The following COL28A1 variants were observed in gnomAD, a reference collection of about 807,000 sequenced individuals.
The protein encoded by COL28A1 is collagen type XXVIII alpha 1 chain, also known as collagen alpha-1(XXVIII) chain.
Under a neutral mutation model 150.2 loss-of-function variants are expected in COL28A1, and 161 were observed. The ratio of observed to expected loss-of-function variants is 1.07; its 90% CI spans 0.94 to 1.22. The LOEUF is 1.22. COL28A1 is among the 50% of genes most tolerant of loss of function. The pLI is 0.00. For synonymous variants in COL28A1, 552 were observed against 469.7 expected (o/e 1.18, Z -2.26); for missense variants, 1,617 against 1,388.3 (o/e 1.16, Z -2.62).
At chr7:7,412,913 C>A (rs748208716) in intron 27 of COL28A1, among the ~76,000 whole-genome samples, 3 of 152,056 alleles carry the variant, frequency 2.0e-5, no homozygotes, top group Non-Finnish European at 2.9e-5. Context: ...TAGAAAAAAT[C>A]GAAACCCAGA....
intron 26 of COL28A1, 50 bp downstream of exon 26, chr7:7,419,835 G>T: frequency 8.2e-7 from 1 of 1,223,034 alleles, no homozygotes; most frequent in Non-Finnish European, 1.1e-6. Context: ...TCACTTGTTT[G>T]TCACTGATGA....
At chr7:7,398,052 A>G (rs1424783777) in intron 27 of COL28A1, among the ~76,000 whole-genome samples, 1 of 152,224 alleles carries the variant, frequency 6.6e-6, no homozygotes, top group Non-Finnish European at 1.5e-5. Context: ...CCTGCTTATA[A>G]TAAATAGCTG....
chr7:7,541,309 G>A, the COL28A1 span, among the ~76,000 whole-genome samples: 1 of 151,980 alleles, frequency 6.6e-6, no homozygotes, highest in South Asian at 2.1e-4. Flanking sequence ...GGGACTTGAG[G>A]TGAATTTTTT....
At chr7:7,471,140 A>AAAAAAAAAAAAAAAAACAAAAAAAC (rs1788390573) in intron 15 of COL28A1, among the ~76,000 whole-genome samples, 1 of 148,144 alleles carries the variant, frequency 6.8e-6, no homozygotes, top group Non-Finnish European at 1.5e-5. Flanking sequence ...AAAAAAAAAA[A>AAAAAAAAAAAAAAAAACAAAAAAAC]AAAAGAAAAG....
intron 15 of COL28A1, among the ~76,000 whole-genome samples, chr7:7,458,004 T>C (rs754339139): frequency 2.5e-4 from 38 of 152,320 alleles, no homozygotes; most frequent in Non-Finnish European, 4.0e-4. Flanking sequence ...AAAGTAGCCA[T>C]AGATAATATA....
At chr7:7,395,051 GGAGGTT>G (rs1448473686) in intron 27 of COL28A1, among the ~76,000 whole-genome samples, 1 of 152,166 alleles carries the variant, frequency 6.6e-6, no homozygotes, top group Non-Finnish European at 1.5e-5. Flanking sequence ...CAGCACTTTG[GGAGGTT>G]GAGGTGGGAG....
intron 12 of COL28A1, among the ~76,000 whole-genome samples, 158 bp from the exon 13 acceptor site, chr7:7,489,615 G>A (rs896349515): frequency 1.3e-5 from 2 of 152,194 alleles, no homozygotes; most frequent in Admixed American, 6.5e-5. Context: ...GAAATAGCTC[G>A]AATTTAAGTG....
At chr7:7,405,294 T>C (rs1190392151) in intron 27 of COL28A1, among the ~76,000 whole-genome samples, 3 of 152,174 alleles carry the variant, frequency 2.0e-5, no homozygotes, top group Non-Finnish European at 2.9e-5. Context: ...AGTATATACA[T>C]AGCAGGAAAA....
intron 11 of COL28A1, among the ~76,000 whole-genome samples, chr7:7,497,058 G>A (rs77579384): frequency 0.085 from 11,451 of 134,896 alleles, 484 homozygotes; most frequent in Middle Eastern, 0.22. Context: ...AGGGAGGGAG[G>A]GAAGAAGGAA....
At chr7:7,511,163 A>G in intron 8 of COL28A1, 28 bp from the exon 9 acceptor site, 1 of 1,551,680 alleles carries the variant, frequency 6.4e-7, no homozygotes, top group Non-Finnish European at 8.9e-7. Context: ...GAAATAAATA[A>G]GAGAACACTT....
At chr7:7,375,570 C>T (rs1473500526) in intron 30 of COL28A1, 73 bp from the exon 31 acceptor site, 14 of 990,940 alleles carry the variant, frequency 1.4e-5, no homozygotes, top group African/African-American at 1.1e-4. Flanking sequence ...TAAAAGATAT[C>T]TCATTACAAT....
intron 1 of COL28A1, among the ~76,000 whole-genome samples, chr7:7,534,683 T>C (rs1782550048): frequency 6.6e-6 from 1 of 152,156 alleles, no homozygotes; most frequent in African/African-American, 2.4e-5. Flanking sequence ...TAAATAAAGA[T>C]TTATCTTTTC....
the COL28A1 span, among the ~76,000 whole-genome samples, chr7:7,339,522 G>A: frequency 2.0e-5 from 3 of 151,970 alleles, no homozygotes; most frequent in African/African-American, 4.8e-5. Context: ...GGGGATCCTC[G>A]GCAGACTTCT....
chr7:7,495,013 G>A (rs184622412), intron 11 of COL28A1, among the ~76,000 whole-genome samples: 128 of 152,186 alleles, frequency 8.4e-4, no homozygotes, highest in Non-Finnish European at 1.0e-3. Flanking sequence ...CCAACAGGCC[G>A]GAAACAAGGT....
rs145973878 is a variant in COL28A1 at position 7,478,221 on chromosome 7, C to G, written c.1165-1041G>C. ...AGTGCTGATTGGTGTGTTTACAAACCTTGAGCTAGATACAGAGTGCTGATT... is the reference window on the plus strand; with the variant it reads ...AGTGCTGATTGGTGTGTTTACAAACGTTGAGCTAGATACAGAGTGCTGATT... On this transcript the variant is annotated intron_variant, in intron 13 of 34. Coordinates refer to ENST00000399429, the MANE Select transcript of COL28A1 (RefSeq NM_001037763.3). Among the ~76,000 whole-genome samples, 1,004 of 152,218 alleles carry G rather than the reference C, an allele frequency of 6.6e-3. 7 individuals carry two copies. Among genetic ancestry groups the G allele is most frequent in the African/African-American group, 0.023 (964 of 41,544 alleles).
At position 7,515,796 on chromosome 7, in the gene COL28A1, T is replaced by C. The variant is rs1354690416; in HGVS notation, c.882+18A>G. On this transcript the variant is annotated intron_variant, in intron 8 of 34. Coordinates refer to ENST00000399429, the MANE Select transcript of COL28A1 (RefSeq NM_001037763.3). ...CTTTTTGAAATTCTGGTCAATCTAT[T>C]TGTTGTTACCAACTTACCTTGTCAC... 1 of 980,788 alleles carries C rather than the reference T, an allele frequency of 1.0e-6. No homozygotes were observed. Among genetic ancestry groups the C allele is most frequent in the Non-Finnish European group, 1.7e-6 (1 of 605,450 alleles). The allele number at this position is 980,788 out of a possible 1,614,324, so 60.8% of individuals were successfully genotyped here.
chr7:7,533,339 C>CA (rs777272636), intron 1 of COL28A1, among the ~76,000 whole-genome samples: 6 of 151,684 alleles, frequency 4.0e-5, no homozygotes, highest in Non-Finnish European at 8.8e-5. Flanking sequence ...TGATTCCTGA[C>CA]AAATCTAGTA....
In COL28A1 at chr7:7,498,677, C is replaced by T. The variant is rs17520689; in HGVS notation, c.1026+7337G>A. Among the ~76,000 whole-genome samples, 704 of 152,292 alleles carry T rather than the reference C, an allele frequency of 4.6e-3. 5 individuals carry two copies. The highest frequency in any genetic ancestry group is 0.022 in the East Asian group (115 of 5,188). On this transcript the variant is annotated intron_variant, in intron 11 of 34. Coordinates refer to ENST00000399429, the MANE Select transcript of COL28A1 (RefSeq NM_001037763.3). ...ACCCTTGGAATACAATTAATTTTCT[C>T]TGTTGCAAACTTGCTATTGCAACTT...
At chr7:7,479,773 T>C (rs1327327172) in intron 13 of COL28A1, among the ~76,000 whole-genome samples, 1 of 152,192 alleles carries the variant, frequency 6.6e-6, no homozygotes, top group Non-Finnish European at 1.5e-5. Context: ...GTCTCGGGCT[T>C]TGAAATGGAC....
Sources: gnomAD v4.1 joint callset for allele counts (sites outside exome capture counted in the v4.1 genomes callset) on GRCh38, gnomAD v4.1.1 for gene constraint, MANE v1.5 for transcripts, NCBI Gene and HGNC (gene_info 2026-07-23, HGNC 2026-07-21) for gene names.